Variants in ROBO2 observed in about 807,000 individuals in gnomAD.
The protein encoded by ROBO2 is roundabout homolog 2.
ROBO2 carries 53 observed loss-of-function variants against 160.8 expected under a neutral mutation model. That is an observed-to-expected ratio of 0.33 (90% CI 0.26 to 0.41). The LOEUF (loss-of-function observed/expected upper bound fraction) is 0.41, where lower values mean the gene tolerates loss of function less well. Among genes scored for constraint, ROBO2 ranks in the 10% least tolerant of loss-of-function variants. The pLI is 1.00. For missense variants in ROBO2, 1,577 were observed against 1,722.4 expected (o/e 0.92, Z 1.49); for synonymous variants, 664 against 611.7 (o/e 1.09, Z -1.26).
rs78134289 is a variant in ROBO2, at chr3:76,702,551, C to G, written c.110-395463C>G. On this transcript the variant is annotated intron_variant, in intron 2 of 26. Transcript: ENST00000487694. ...AGACAGAGAGACAGAGAGAAATAGA[C>G]AGAGAAAGAGAGAGAATTAGAAATG... Among the ~76,000 whole-genome samples, 1,027 of 151,278 alleles carry G rather than the reference C, an allele frequency of 6.8e-3. 16 individuals carry two copies. Among genetic ancestry groups the G allele is most frequent in the African/African-American group, 0.024 (984 of 41,290 alleles).
At chr3:76,700,572 AATATGACTATATACAGGGT>A (rs2093026688) in intron 2 of ROBO2, among the ~76,000 whole-genome samples, 1 of 152,118 alleles carries the variant, frequency 6.6e-6, no homozygotes, top group Admixed American at 6.6e-5. Context: ...TCATTTTGAA[AATATGACTATATACAGGGT>A]GTCATTCATT....
intron 2 of ROBO2, among the ~76,000 whole-genome samples, chr3:76,847,075 C>T (rs190884151): frequency 1.3e-5 from 2 of 152,232 alleles, no homozygotes; most frequent in Non-Finnish European, 2.9e-5. Flanking sequence ...CCAGTGCCTA[C>T]GTGGTTAATT....
intron 2 of ROBO2, among the ~76,000 whole-genome samples, chr3:76,805,632 A>AT (rs538138115): frequency 4.6e-5 from 7 of 150,736 alleles, no homozygotes; most frequent in Admixed American, 1.3e-4. Context: ...ATAAAGCTCT[A>AT]TTTTTTTTGT....
chr3:76,444,129 CTAATTTTTGTATTT>C (rs2077057107), intron 2 of ROBO2, among the ~76,000 whole-genome samples: 1 of 151,874 alleles, frequency 6.6e-6, no homozygotes, highest in Non-Finnish European at 1.5e-5. Flanking sequence ...CCACGCCCGG[CTAATTTTTGTATTT>C]TAATTTTTGT....
At position 76,603,342 on chromosome 3, in the gene ROBO2, AAAAAAAAAAATAT is replaced by A. The variant is rs1218812702; in HGVS notation, c.110-494670_110-494658del. 1.9e-3 allele frequency among the ~76,000 whole-genome samples: 130 copies of A among 69,298 alleles called. 1 individual carries two copies. The highest frequency in any genetic ancestry group is 2.8e-3 in the Non-Finnish European group (97 of 35,042). 45.5% of individuals were successfully genotyped at this position (69,298 alleles called of 152,430 possible). ...GCGAGACTCCATCTCCAAAAAAAAAAAAAAAAAAAATATATATATATATATATATATATATATA... is the reference window on the plus strand; with the variant it reads ...GCGAGACTCCATCTCCAAAAAAAAAAATATATATATATATATATATATATA... On this transcript the variant is annotated intron_variant, in intron 2 of 26. Transcript: ENST00000487694.
intron 2 of ROBO2, among the ~76,000 whole-genome samples, chr3:77,310,860 A>T (rs1252735034): frequency 1.3e-5 from 2 of 151,976 alleles, no homozygotes; most frequent in Non-Finnish European, 2.9e-5. Context: ...AGTGAAAAAA[A>T]AAAAATAAAA....
chr3:77,049,108 C>T (rs548435199), intron 1 of ROBO2, among the ~76,000 whole-genome samples: 17 of 152,192 alleles, frequency 1.1e-4, no homozygotes, highest in South Asian at 1.0e-3. Flanking sequence ...GCTGAAGGAT[C>T]GCTTGAGCCT....
intron 2 of ROBO2, among the ~76,000 whole-genome samples, chr3:76,543,383 A>G (rs2082918810): frequency 6.6e-6 from 1 of 152,166 alleles, no homozygotes; most frequent in Non-Finnish European, 1.5e-5. Context: ...GTAACAACAT[A>G]CACAGAGGAA....
At chr3:77,280,883 T>C (rs2153370834) in intron 2 of ROBO2, among the ~76,000 whole-genome samples, 1 of 152,244 alleles carries the variant, frequency 6.6e-6, no homozygotes, top group South Asian at 2.1e-4. Context: ...AAAATCGACA[T>C]TGGAAAAGCA....
At chr3:76,563,385 C>G (rs757012656) in intron 2 of ROBO2, among the ~76,000 whole-genome samples, 9 of 152,106 alleles carry the variant, frequency 5.9e-5, no homozygotes, top group Non-Finnish European at 1.3e-4. Flanking sequence ...TTAAGCAACT[C>G]AAAACATGTT....
chr3:77,260,950 A>T (rs2058735514), intron 2 of ROBO2, among the ~76,000 whole-genome samples: 1 of 151,872 alleles, frequency 6.6e-6, no homozygotes, highest in South Asian at 2.1e-4. Flanking sequence ...CGTTTGTGTG[A>T]CCTCTTGGAA....
chr3:76,119,893 T>TCCC (rs2070652781), intron 2 of ROBO2, among the ~76,000 whole-genome samples: 1 of 120,864 alleles, frequency 8.3e-6, no homozygotes, highest in Admixed American at 8.9e-5. Flanking sequence ...TTCCCTTCCC[T>TCCC]TCCTTCCCTT....
At chr3:76,110,305 T>C (rs1475775568) in intron 2 of ROBO2, among the ~76,000 whole-genome samples, 2 of 152,046 alleles carry the variant, frequency 1.3e-5, no homozygotes, top group Non-Finnish European at 2.9e-5. Context: ...TATATCCTTG[T>C]TAGTAATGAG....
At chr3:77,396,795 A>G (rs187663983) in intron 2 of ROBO2, among the ~76,000 whole-genome samples, 22 of 152,204 alleles carry the variant, frequency 1.4e-4, no homozygotes, top group African/African-American at 5.3e-4. Flanking sequence ...GTGTCATTTT[A>G]TATCATTAGG....
chr3:76,950,306 C>G (rs1229020817), intron 2 of ROBO2, among the ~76,000 whole-genome samples: 1 of 152,044 alleles, frequency 6.6e-6, no homozygotes, highest in Non-Finnish European at 1.5e-5. Context: ...AATCCTTTAC[C>G]TCCTACTCAA....
intron 2 of ROBO2, among the ~76,000 whole-genome samples, chr3:76,623,712 A>G (rs574498346): frequency 6.6e-6 from 1 of 152,308 alleles, no homozygotes; most frequent in East Asian, 1.9e-4. Flanking sequence ...TTTAGATACC[A>G]TTTGCATTGA....
At chr3:77,625,194 A>G (rs755315543) in intron 23 of ROBO2, among the ~76,000 whole-genome samples, 1 of 152,168 alleles carries the variant, frequency 6.6e-6, no homozygotes, top group Non-Finnish European at 1.5e-5. Context: ...TCCATATCCC[A>G]TAATCTCAGT....
chr3:76,005,641 C>G (rs1407139129), intron 2 of ROBO2, among the ~76,000 whole-genome samples: 1 of 152,172 alleles, frequency 6.6e-6, no homozygotes, highest in Admixed American at 6.5e-5. Context: ...ATAATTTCCT[C>G]TCTATATAGA....
chr3:76,341,667 C>T (rs2074238007), intron 2 of ROBO2, among the ~76,000 whole-genome samples: 1 of 152,054 alleles, frequency 6.6e-6, no homozygotes, highest in Admixed American at 6.6e-5. Context: ...TTCCAATATT[C>T]TGTTGGTCAG....
Sources: allele counts gnomAD v4.1 joint callset (sites outside exome capture counted in the v4.1 genomes callset), GRCh38; gene constraint gnomAD v4.1.1; transcripts MANE v1.5; gene names NCBI Gene and HGNC (gene_info 2026-07-23, HGNC 2026-07-21).